SLC39A11: variants seen among roughly 807,000 people sequenced by gnomAD.
SLC39A11 encodes solute carrier family 39 member 11.
Under a neutral mutation model 36.1 loss-of-function variants are expected in SLC39A11, and 33 were observed. The observed-to-expected ratio is 0.91, with a 90% confidence interval of 0.69 to 1.22. SLC39A11 has a LOEUF of 1.22. Among genes scored for constraint, SLC39A11 ranks in the 50% most tolerant of loss-of-function variants. The pLI, the probability that SLC39A11 is intolerant of heterozygous loss-of-function variation, is 0.00. For synonymous variants in SLC39A11, 166 were observed against 170.3 expected, an observed-to-expected ratio of 0.97 and a Z score of 0.20; for missense variants, 432 against 430.3, an observed-to-expected ratio of 1.00 and a Z score of -0.03.
intron 6 of SLC39A11, among the ~76,000 whole-genome samples, chr17:72,749,782 G>C (rs1347472785): frequency 6.6e-6 from 1 of 152,072 alleles, no homozygotes; most frequent in Non-Finnish European, 1.5e-5. Flanking sequence ...CTCTCTGCTT[G>C]ATCCTAGGAA....
chr17:72,990,227 T>A (rs1021248763), intron 4 of SLC39A11, among the ~76,000 whole-genome samples: 4 of 152,322 alleles, frequency 2.6e-5, no homozygotes, highest in African/African-American at 9.6e-5. Flanking sequence ...AAATAAATTA[T>A]TCCAACCAGT....
At chr17:72,867,274 C>A (rs2080349175) in intron 5 of SLC39A11, among the ~76,000 whole-genome samples, 1 of 152,054 alleles carries the variant, frequency 6.6e-6, no homozygotes, top group Non-Finnish European at 1.5e-5. Flanking sequence ...CCAAGGCAGG[C>A]AGCTCACTTG....
At position 72,947,894 on chromosome 17, in the gene SLC39A11, A is replaced by T; in HGVS notation, c.307-19T>A. 2 of 1,612,164 alleles carry T rather than the reference A, an allele frequency of 1.2e-6. No homozygotes were observed. The highest frequency in any genetic ancestry group is 1.7e-6 in the Non-Finnish European group (2 of 1,180,006). On this transcript the variant is annotated intron_variant, in intron 4 of 9. Transcript: ENST00000255559. The stretch of plus-strand genomic sequence containing the variant: ...CTGCACCCTGAAACAAGAAGCGGTA[A>T]CATCACTAGAGCACCACTACTGTGT...
intron 6 of SLC39A11, among the ~76,000 whole-genome samples, chr17:72,750,345 T>A (rs1004221404): frequency 1.3e-5 from 2 of 150,704 alleles, no homozygotes; most frequent in Non-Finnish European, 3.0e-5. Context: ...TCGCCTGTGA[T>A]TGGAGCCTCA....
At chr17:72,729,457 A>ATATAT (rs1555650680) in intron 7 of SLC39A11, among the ~76,000 whole-genome samples, 1 of 7,244 alleles carries the variant, frequency 1.4e-4, no homozygotes, top group Non-Finnish European at 3.2e-4. Context: ...ATATATATAT[A>ATATAT]TTTTTTTTTT....
intron 3 of SLC39A11, among the ~76,000 whole-genome samples, chr17:73,047,237 G>C (rs1470813891): frequency 6.6e-6 from 1 of 151,556 alleles, no homozygotes; most frequent in Non-Finnish European, 1.5e-5. Flanking sequence ...TGTTAGCCAG[G>C]ATGGTCTCGA....
chr17:73,073,316 T>A (rs2060220891), intron 3 of SLC39A11, among the ~76,000 whole-genome samples: 1 of 152,226 alleles, frequency 6.6e-6, no homozygotes, highest in Non-Finnish European at 1.5e-5. Context: ...AGGCAGTGGG[T>A]GCCCCATAGC....
At chr17:72,700,294 G>A (rs532826517) in intron 7 of SLC39A11, among the ~76,000 whole-genome samples, 4 of 152,256 alleles carry the variant, frequency 2.6e-5, no homozygotes, top group South Asian at 2.1e-4. Context: ...GGGGTGGAGC[G>A]GTCATTTTAA....
At chr17:72,903,577 A>T (rs12051814) in intron 5 of SLC39A11, among the ~76,000 whole-genome samples, 2 of 152,150 alleles carry the variant, frequency 1.3e-5, no homozygotes, top group African/African-American at 2.4e-5. Flanking sequence ...CAGAGCACAG[A>T]GGGGCAGCCA....
intron 7 of SLC39A11, among the ~76,000 whole-genome samples, chr17:72,727,908 C>G (rs1228500796): frequency 6.6e-6 from 1 of 152,190 alleles, no homozygotes; most frequent in East Asian, 1.9e-4. Context: ...AGGTGCCTGC[C>G]TGTCTTCTTC....
rs1308330294 is a variant in SLC39A11 at position 72,819,508 on chromosome 17, C to T, written c.601+30126G>A. On this transcript the variant is annotated intron_variant, in intron 6 of 9. Coordinates refer to ENST00000255559, the MANE Select transcript of SLC39A11 (RefSeq NM_139177.4). ...AGGAAAGGGGGCAGATGGCCAATCC[C>T]ACCTCTCTGCTCAGCAGGGAACCAT... Among the ~76,000 whole-genome samples, 5 of 151,328 alleles carry T rather than the reference C, an allele frequency of 3.3e-5. 1 individual carries two copies. Among genetic ancestry groups the T allele is most frequent in the Non-Finnish European group, 7.4e-5 (5 of 67,534 alleles).
intron 3 of SLC39A11, among the ~76,000 whole-genome samples, chr17:73,033,671 C>T (rs146837047): frequency 2.9e-4 from 44 of 152,314 alleles, no homozygotes; most frequent in African/African-American, 1.0e-3. Context: ...GGCTAGAGTA[C>T]ACCCACCACC....
chr17:72,717,134 TTA>T (rs1456308867), intron 7 of SLC39A11, among the ~76,000 whole-genome samples: 6 of 147,030 alleles, frequency 4.1e-5, no homozygotes, highest in African/African-American at 1.5e-4. Context: ...ATGTATATAC[TTA>T]TATGTGTATA....
intron 6 of SLC39A11, among the ~76,000 whole-genome samples, chr17:72,832,365 C>T (rs577701966): frequency 8.5e-4 from 130 of 152,336 alleles, no homozygotes; most frequent in Middle Eastern, 3.4e-3. Flanking sequence ...TCTACCCCCT[C>T]GAATATTCTG....
intron 4 of SLC39A11, among the ~76,000 whole-genome samples, chr17:73,000,143 C>T (rs1468816070): frequency 6.6e-6 from 1 of 152,136 alleles, no homozygotes; most frequent in Non-Finnish European, 1.5e-5. Flanking sequence ...GCCAGATGAC[C>T]GAGTTCTGCC....
At chr17:72,717,118 G>GTA (rs146535007) in intron 7 of SLC39A11, among the ~76,000 whole-genome samples, 1,824 of 120,874 alleles carry the variant, frequency 0.015, 43 homozygotes, top group African/African-American at 0.061. Context: ...ATGTATATAT[G>GTA]TATATATGTA....
intron 5 of SLC39A11, among the ~76,000 whole-genome samples, chr17:72,928,769 AGGGAAGTGCGTGCCTCT>A (rs2084209086): frequency 6.6e-6 from 1 of 152,160 alleles, no homozygotes; most frequent in Non-Finnish European, 1.5e-5. Flanking sequence ...ATACAAACAA[AGGGAAGTGCGTGCCTCT>A]GGGAACCGAG....
chr17:73,036,835 G>T (rs1398810043), intron 3 of SLC39A11, among the ~76,000 whole-genome samples: 1 of 152,076 alleles, frequency 6.6e-6, no homozygotes, highest in African/African-American at 2.4e-5. Flanking sequence ...CATCATTACT[G>T]TATCATATAC....
At chr17:72,716,164 C>T (rs543656555) in intron 7 of SLC39A11, among the ~76,000 whole-genome samples, 16 of 152,192 alleles carry the variant, frequency 1.1e-4, no homozygotes, top group African/African-American at 2.4e-4. Flanking sequence ...GTCATACAAG[C>T]GGGGTGTTGG....
Sources: allele counts gnomAD v4.1 joint callset (sites outside exome capture counted in the v4.1 genomes callset), GRCh38; gene constraint gnomAD v4.1.1; transcripts MANE v1.5; gene names NCBI Gene and HGNC (gene_info 2026-07-23, HGNC 2026-07-21).